Variants in ROBO1 observed in about 807,000 individuals in gnomAD.
The protein encoded by ROBO1 is roundabout homolog 1.
In ROBO1, 149 loss-of-function variants were observed where a neutral mutation model predicts 195.9. The ratio of observed to expected loss-of-function variants is 0.76; its 90% CI spans 0.67 to 0.87. The LOEUF is 0.87. Among genes scored for constraint, ROBO1 ranks in the 40% least tolerant of loss-of-function variants. The pLI is 0.00. For synonymous variants in ROBO1, 816 were observed against 733.2 expected (o/e 1.11, Z -1.82); for missense variants, 1,933 against 2,068.3 (o/e 0.93, Z 1.27).
intron 4 of ROBO1, among the ~76,000 whole-genome samples, chr3:78,879,620 C>A (rs1156701803): frequency 6.6e-6 from 1 of 151,466 alleles, no homozygotes; most frequent in Non-Finnish European, 1.5e-5. Context: ...TGTTCAAGCA[C>A]ATGCCCCTTT....
intron 3 of ROBO1, among the ~76,000 whole-genome samples, chr3:79,073,098 G>A (rs957113506): frequency 1.3e-5 from 2 of 151,920 alleles, no homozygotes; most frequent in African/African-American, 4.8e-5. Context: ...AAGGCATGGA[G>A]CCAATTGCAC....
chr3:79,365,663 C>T (rs200714330), intron 2 of ROBO1, among the ~76,000 whole-genome samples: 2 of 152,088 alleles, frequency 1.3e-5, no homozygotes, highest in East Asian at 2.0e-4. Flanking sequence ...TTTGGGAGGC[C>T]GAGGCGGGCG....
At chr3:79,312,138 A>T (rs1211330725) in intron 2 of ROBO1, among the ~76,000 whole-genome samples, 2 of 152,166 alleles carry the variant, frequency 1.3e-5, no homozygotes, top group African/African-American at 4.8e-5. Context: ...ATATTTCTCA[A>T]ATCCAACTAC....
intron 4 of ROBO1, among the ~76,000 whole-genome samples, chr3:78,889,552 A>G (rs1371238324): frequency 2.0e-5 from 3 of 152,188 alleles, no homozygotes; most frequent in Non-Finnish European, 4.4e-5. Context: ...AGTTAGGCAG[A>G]AATGCTAGAA....
chr3:79,733,483 T>C (rs1011428320), intron 1 of ROBO1, among the ~76,000 whole-genome samples: 2 of 152,144 alleles, frequency 1.3e-5, no homozygotes, highest in Non-Finnish European at 2.9e-5. Context: ...ACTATACTTA[T>C]CTCTCCTTTT....
intron 2 of ROBO1, among the ~76,000 whole-genome samples, chr3:79,411,983 G>A (rs535669123): frequency 1.2e-4 from 18 of 152,144 alleles, no homozygotes; most frequent in African/African-American, 4.1e-4. Flanking sequence ...CACAGGAGAA[G>A]TTATCTCAGC....
intron 2 of ROBO1, among the ~76,000 whole-genome samples, chr3:79,229,830 A>C (rs1040591820): frequency 6.6e-6 from 1 of 152,170 alleles, no homozygotes; most frequent in Admixed American, 6.6e-5. Flanking sequence ...TTTATTTAAA[A>C]TATCTATGAT....
At chr3:79,180,479 T>C (rs938016930) in intron 2 of ROBO1, among the ~76,000 whole-genome samples, 3 of 152,190 alleles carry the variant, frequency 2.0e-5, no homozygotes, top group African/African-American at 4.8e-5. Flanking sequence ...CATATGTACT[T>C]TTCCACTTTC....
In ROBO1 at chr3:78,985,735, G is replaced by A. The variant is rs536371104; in HGVS notation, c.173-46808C>T. Among the ~76,000 whole-genome samples, 12 of 152,236 alleles carry A rather than the reference G, an allele frequency of 7.9e-5. No individual in the cohort carries two copies. In the South Asian group the frequency reaches 2.5e-3, roughly 32 times the overall value. On this transcript the variant is annotated intron_variant, in intron 3 of 30. Coordinates refer to ENST00000464233, the MANE Select transcript of ROBO1 (RefSeq NM_002941.4). ...GACAACTGTTTTAGACAGATTTAAT[G>A]TATTTTAATTTAGTTTTGTTTATTA...
chr3:79,136,179 T>C (rs1023491303), intron 2 of ROBO1, among the ~76,000 whole-genome samples: 6 of 152,226 alleles, frequency 3.9e-5, no homozygotes, highest in Non-Finnish European at 8.8e-5. Context: ...TATTATATTG[T>C]GGAAATGTAG....
chr3:78,965,243 T>C (rs992200611), intron 3 of ROBO1, among the ~76,000 whole-genome samples: 1 of 152,126 alleles, frequency 6.6e-6, no homozygotes, highest in Non-Finnish European at 1.5e-5. Context: ...TTACATTCAA[T>C]ACATTTAGGA....
At position 79,760,236 on chromosome 3, in the gene ROBO1, C is replaced by CAAAAAAAAAAAAAA. The variant is rs11451206; in HGVS notation, c.-51+7502_-51+7515dup. 7.7e-3 allele frequency among the ~76,000 whole-genome samples: 35 copies of CAAAAAAAAAAAAAA among 4,520 alleles called. 13 individuals carry two copies. The highest frequency in any genetic ancestry group is 0.25 in the Middle Eastern group (1 of 4). The allele number at this position is 4,520 out of a possible 152,430, so 3.0% of individuals were successfully genotyped here. A position where few individuals can be genotyped will look rare whatever the true frequency, so the allele number is the denominator to read the frequency against. On this transcript the variant is annotated intron_variant, in intron 1 of 30. Transcript: ENST00000464233. ...TGGGTGAGACAGTGAGACCCTATCT[C>CAAAAAAAAAAAAAA]AAAAAAAAAAAAAAAAAAAAAAAAA...
intron 5 of ROBO1, among the ~76,000 whole-genome samples, chr3:78,741,910 C>A (rs1270222408): frequency 6.6e-6 from 1 of 152,002 alleles, no homozygotes; most frequent in Non-Finnish European, 1.5e-5. Context: ...CAAAAAAGTT[C>A]TAAAAGACTC....
At chr3:78,983,495 G>C (rs1026999047) in intron 3 of ROBO1, among the ~76,000 whole-genome samples, 1 of 152,222 alleles carries the variant, frequency 6.6e-6, no homozygotes, top group African/African-American at 2.4e-5. Flanking sequence ...CTATAATGCT[G>C]ATCAAAGAAG....
At chr3:79,246,820 A>G (rs2108896548) in intron 2 of ROBO1, among the ~76,000 whole-genome samples, 1 of 152,172 alleles carries the variant, frequency 6.6e-6, no homozygotes, top group South Asian at 2.1e-4. Context: ...GGAGAATTAA[A>G]CCAGTGAATC....
chr3:78,685,577 T>G (rs2081033064), intron 10 of ROBO1, among the ~76,000 whole-genome samples, 169 bp downstream of exon 10: 1 of 152,236 alleles, frequency 6.6e-6, no homozygotes, highest in African/African-American at 2.4e-5. Flanking sequence ...ATAATACATT[T>G]AGGTTAAAAT....
At position 79,725,932 on chromosome 3, in the gene ROBO1, A is replaced by T. The variant is rs935949632; in HGVS notation, c.-51+41820T>A. Among the ~76,000 whole-genome samples, 13 of 149,760 alleles carry T rather than the reference A, an allele frequency of 8.7e-5. No individual in the cohort carries two copies. The Admixed American group carries it at 8.8e-4, about 10-fold the overall frequency. On this transcript the variant is annotated intron_variant, in intron 1 of 30. Transcript: ENST00000464233. ...AAAAAAAAACTTTTCTTAAAAAAAA[A>T]AGTATATCTGGCACTTGTTTGATCT...
At chr3:79,074,674 C>T (rs1285034118) in intron 3 of ROBO1, among the ~76,000 whole-genome samples, 1 of 151,658 alleles carries the variant, frequency 6.6e-6, no homozygotes, top group Admixed American at 6.6e-5. Context: ...ACTAATCCTC[C>T]TGCTTTGGTC....
chr3:79,637,275 A>G (rs1048229014), intron 1 of ROBO1, among the ~76,000 whole-genome samples: 4 of 152,124 alleles, frequency 2.6e-5, no homozygotes, highest in Non-Finnish European at 5.9e-5. Context: ...GATCACAGGG[A>G]GAGTCAGTGC....
Sources: gnomAD v4.1 joint callset for allele counts (sites outside exome capture counted in the v4.1 genomes callset) on GRCh38, gnomAD v4.1.1 for gene constraint, MANE v1.5 for transcripts, NCBI Gene and HGNC (gene_info 2026-07-23, HGNC 2026-07-21) for gene names.